The following TRPS1 variants were observed in gnomAD, a reference collection of about 807,000 sequenced individuals.
The protein encoded by TRPS1 is transcriptional repressor GATA binding 1, also known as zinc finger transcription factor Trps1.
In TRPS1, 6 loss-of-function variants were observed where a neutral mutation model predicts 101.2. The observed-to-expected ratio is 0.06, with a 90% CI of 0.03 to 0.12. TRPS1 has a LOEUF of 0.12. TRPS1 is among the 10% of genes least tolerant of loss of function. The pLI is 1.00. For synonymous variants in TRPS1, 578 were observed against 589.8 expected (o/e 0.98, Z 0.29); for missense variants, 1,363 against 1,567.0 (o/e 0.87, Z 2.20).
intron 5 of TRPS1, among the ~76,000 whole-genome samples, chr8:115,451,202 A>G (rs1435878503): frequency 6.6e-6 from 1 of 152,206 alleles, no homozygotes; most frequent in Admixed American, 6.5e-5. Flanking sequence ...CCCTATAGCT[A>G]AATGTGTGGC....
At chr8:115,582,956 G>A (rs776896193) in intron 5 of TRPS1, among the ~76,000 whole-genome samples, 1 of 152,132 alleles carries the variant, frequency 6.6e-6, no homozygotes, top group Non-Finnish European at 1.5e-5. Flanking sequence ...GAGTTTACCT[G>A]AATGTTGATT....
chr8:115,466,755 C>G (rs1201070611), intron 5 of TRPS1, among the ~76,000 whole-genome samples: 1 of 152,152 alleles, frequency 6.6e-6, no homozygotes, highest in Non-Finnish European at 1.5e-5. Context: ...AGAGGCATTT[C>G]TGCAGTGGAA....
At chr8:115,657,916 G>T (rs914045851) in intron 1 of TRPS1, among the ~76,000 whole-genome samples, 1 of 151,998 alleles carries the variant, frequency 6.6e-6, no homozygotes, top group Non-Finnish European at 1.5e-5. Context: ...AAGTTATAAA[G>T]AAAGGTAGGT....
chr8:115,592,993 T>C, intron 4 of TRPS1, among the ~76,000 whole-genome samples: 1 of 152,168 alleles, frequency 6.6e-6, no homozygotes, highest in East Asian at 1.9e-4. Context: ...TAAATTTTTT[T>C]TTTTTTAAGA....
chr8:115,654,121 A>T (rs2721967), intron 1 of TRPS1, among the ~76,000 whole-genome samples: 152,352 of 152,352 alleles, frequency 1, 76,176 homozygotes, highest in Non-Finnish European at 1. Context: ...AGACAGAGAA[A>T]TATTCCTGTA....
intron 1 of TRPS1, among the ~76,000 whole-genome samples, chr8:115,648,210 G>A (rs1372753377): frequency 6.6e-6 from 1 of 152,120 alleles, no homozygotes; most frequent in Non-Finnish European, 1.5e-5. Flanking sequence ...GGGATGCGAC[G>A]CGACAGGGCA....
At chr8:115,427,974 C>T (rs557265728) in intron 5 of TRPS1, among the ~76,000 whole-genome samples, 5 of 152,188 alleles carry the variant, frequency 3.3e-5, no homozygotes, top group African/African-American at 9.7e-5. Flanking sequence ...CTTAGCCTCT[C>T]ATAGCGCCTG....
chr8:115,443,206 G>A (rs1813651828), intron 5 of TRPS1, among the ~76,000 whole-genome samples: 1 of 151,874 alleles, frequency 6.6e-6, no homozygotes, highest in African/African-American at 2.4e-5. Context: ...GAAGGCAAAG[G>A]CTGCAGTGAG....
At chr8:115,574,725 G>A (rs1817277619) in intron 5 of TRPS1, among the ~76,000 whole-genome samples, 1 of 132,830 alleles carries the variant, frequency 7.5e-6, no homozygotes, top group African/African-American at 3.1e-5. Context: ...GAAATGTTTT[G>A]AAGGCAGTTA....
intron 5 of TRPS1, among the ~76,000 whole-genome samples, chr8:115,544,853 AAGG>A (rs1363170011): frequency 1.3e-5 from 2 of 150,926 alleles, no homozygotes; most frequent in African/African-American, 2.4e-5. Flanking sequence ...ACTACAGGAG[AAGG>A]AGGAGAAGAA....
chr8:115,652,029 G>A (rs560779688), intron 1 of TRPS1, among the ~76,000 whole-genome samples: 1 of 152,306 alleles, frequency 6.6e-6, no homozygotes, highest in African/African-American at 2.4e-5. Flanking sequence ...AGGCTCAGAA[G>A]TTATTTCATT....
chr8:115,486,126 G>T (rs1355414900), intron 5 of TRPS1, among the ~76,000 whole-genome samples: 1 of 152,160 alleles, frequency 6.6e-6, no homozygotes, highest in Non-Finnish European at 1.5e-5. Context: ...CTCACTTCAT[G>T]TCACAGTGTC....
Position 115,587,524 on chromosome 8 carries a change from G to A in TRPS1, c.2177C>T (p.Thr726Ile), listed in dbSNP as rs1284122105. 1.9e-6 allele frequency: 3 copies of A among 1,614,194 alleles called. No homozygotes were observed. Among genetic ancestry groups the A allele is most frequent in the Non-Finnish European group, 1.7e-6 (2 of 1,180,024 alleles). ...DTQSLLEHFN[T>I]VHCQEQDITT... Reference sequence around the variant, plus strand: ...GATGTCCTGTTCCTGGCAGTGAACAGTGTTGAAGTGCTCCAGTAGTGACTG... The same window carrying A: ...GATGTCCTGTTCCTGGCAGTGAACAATGTTGAAGTGCTCCAGTAGTGACTG... Residue 726 changes from threonine (T) to isoleucine (I), a missense_variant, in exon 5 of 7, where the codon ACT becomes ATT. Thr to Ile is a moderately conservative substitution (Grantham distance 89, BLOSUM62 -1). Around this residue, in one of 5 missense-constraint regions of TRPS1, gnomAD observed 1,020 missense variants for 1,073.0 expected, o/e 0.95. Coordinates refer to ENST00000395715, the MANE Select transcript of TRPS1 (RefSeq NM_014112.5).
chr8:115,432,700 A>G (rs2129838389), intron 5 of TRPS1, among the ~76,000 whole-genome samples: 1 of 152,044 alleles, frequency 6.6e-6, no homozygotes, highest in African/African-American at 2.4e-5. Context: ...TTAGTTAGTC[A>G]ATCTAGTGCA....
chr8:115,520,633 A>T (rs901642271), intron 5 of TRPS1, among the ~76,000 whole-genome samples: 1 of 151,852 alleles, frequency 6.6e-6, no homozygotes, highest in Non-Finnish European at 1.5e-5. Context: ...TTTAATATAC[A>T]CTAGGGACTG....
At chr8:115,441,825 A>G (rs951542138) in intron 5 of TRPS1, among the ~76,000 whole-genome samples, 5 of 151,250 alleles carry the variant, frequency 3.3e-5, no homozygotes, top group Admixed American at 2.6e-4. Flanking sequence ...TTTTTGGTGA[A>G]CCAGACTTTA....
At chr8:115,590,661 G>A (rs896390908) in intron 4 of TRPS1, among the ~76,000 whole-genome samples, 6 of 152,156 alleles carry the variant, frequency 3.9e-5, no homozygotes, top group Non-Finnish European at 2.9e-5. Context: ...AGACTCTTAA[G>A]GAGAATGCTT....
Position 115,409,264 on chromosome 8 carries a change from A to AAAAAAAAAG in TRPS1, c.*4758_*4759insCTTTTTTTT, listed in dbSNP as rs796434771. The AAAAAAAAAG allele has an allele frequency of 6.8e-6, 1 of 147,388 alleles. No individual in the cohort carries two copies. Among genetic ancestry groups the AAAAAAAAAG allele is most frequent in the East Asian group, 2.0e-4 (1 of 5,042 alleles). 9.1% of individuals were successfully genotyped at this position (147,388 alleles called of 1,614,324 possible). On this transcript the variant is annotated 3_prime_UTR_variant, in exon 7 of 7. Coordinates refer to ENST00000395715, the MANE Select transcript of TRPS1 (RefSeq NM_014112.5). ...TATGCTGCAGTTTATATGTTGGGAAAAAAAAAAAAAAAAAAAACAGGGGAA... is the reference window on the plus strand; with the variant it reads ...TATGCTGCAGTTTATATGTTGGGAAAAAAAAAAAGAAAAAAAAAAAAAAAAACAGGGGAA...
chr8:115,513,004 A>C (rs1011859594), intron 5 of TRPS1, among the ~76,000 whole-genome samples: 1 of 151,700 alleles, frequency 6.6e-6, no homozygotes, highest in Non-Finnish European at 1.5e-5. Flanking sequence ...TAACCACACA[A>C]AATGTAAACA....
Sources: allele counts gnomAD v4.1 joint callset (sites outside exome capture counted in the v4.1 genomes callset), GRCh38; gene constraint gnomAD v4.1.1; regional missense constraint gnomAD v4.1.1; transcripts MANE v1.5; gene names NCBI Gene and HGNC (gene_info 2026-07-23, HGNC 2026-07-21).